The following PRR5L variants were observed in gnomAD, a reference collection of about 807,000 sequenced individuals.
PRR5L encodes proline rich 5 like, also known as proline-rich protein 5-like.
PRR5L carries 21 observed loss-of-function variants against 36.4 expected under a neutral mutation model. The ratio of observed to expected loss-of-function variants is 0.58; its 90% CI spans 0.41 to 0.83. The LOEUF is 0.83. Among genes scored for constraint, PRR5L ranks in the 40% least tolerant of loss-of-function variants. The pLI, the probability that PRR5L is intolerant of heterozygous loss-of-function variation, is 0.00. For missense variants in PRR5L, 381 were observed against 473.3 expected (o/e 0.80, Z 1.81); for synonymous variants, 188 against 197.0 (o/e 0.95, Z 0.38).
At chr11:36,367,444 A>G (rs576071516) in intron 1 of PRR5L, among the ~76,000 whole-genome samples, 2 of 152,338 alleles carry the variant, frequency 1.3e-5, no homozygotes, top group African/African-American at 4.8e-5. Context: ...TTTAGGCCTC[A>G]TGAAATCCCT....
chr11:36,384,430 T>G (rs1857422408), intron 1 of PRR5L, among the ~76,000 whole-genome samples: 1 of 152,212 alleles, frequency 6.6e-6, no homozygotes, highest in African/African-American at 2.4e-5. Context: ...TTTATTCTTC[T>G]TTGCCCCCTG....
intron 1 of PRR5L, among the ~76,000 whole-genome samples, chr11:36,363,074 C>G (rs1857109572): frequency 6.6e-6 from 1 of 152,202 alleles, no homozygotes; most frequent in South Asian, 2.1e-4. Flanking sequence ...GTCTCTGCAC[C>G]CTCGACCTGT....
At chr11:36,364,633 A>G (rs1590486594) in intron 1 of PRR5L, among the ~76,000 whole-genome samples, 3 of 152,222 alleles carry the variant, frequency 2.0e-5, no homozygotes, top group South Asian at 4.1e-4. Flanking sequence ...AAAAAGTGCC[A>G]TATAAACACA....
chr11:36,297,173 A>C (rs1347506076), intron 1 of PRR5L, among the ~76,000 whole-genome samples: 1 of 152,092 alleles, frequency 6.6e-6, no homozygotes, highest in Non-Finnish European at 1.5e-5. Flanking sequence ...CCTGGATTTG[A>C]ATTCAGTTTT....
intron 1 of PRR5L, among the ~76,000 whole-genome samples, chr11:36,390,786 C>T (rs1857549170): frequency 6.6e-6 from 1 of 152,180 alleles, no homozygotes; most frequent in Admixed American, 6.5e-5. Flanking sequence ...CCTCTAAGTT[C>T]ATTTTTAAAA....
intron 4 of PRR5L, among the ~76,000 whole-genome samples, chr11:36,429,293 A>C (rs1381968077): frequency 6.6e-6 from 1 of 152,188 alleles, no homozygotes. Flanking sequence ...TTTATCACTA[A>C]AATAGCCAGT....
At chr11:36,393,850 G>A (rs1857606942) in intron 1 of PRR5L, 1 of 152,090 alleles carries the variant, frequency 6.6e-6, no homozygotes, top group Non-Finnish European at 1.5e-5. Context: ...TCCTAGAAGA[G>A]GCAATTCGGA....
intron 1 of PRR5L, among the ~76,000 whole-genome samples, chr11:36,371,317 G>T (rs867163650): frequency 4.6e-5 from 7 of 152,182 alleles, no homozygotes; most frequent in Non-Finnish European, 1.0e-4. Flanking sequence ...TTACACCCTG[G>T]TGTTAGATCA....
intron 1 of PRR5L, among the ~76,000 whole-genome samples, chr11:36,317,744 C>G (rs1009580864): frequency 2.6e-5 from 4 of 152,132 alleles, no homozygotes; most frequent in Non-Finnish European, 4.4e-5. Flanking sequence ...CATTCTGGTT[C>G]CTGGTGGTTT....
At chr11:36,321,841 G>C (rs1856616355) in intron 1 of PRR5L, among the ~76,000 whole-genome samples, 1 of 152,100 alleles carries the variant, frequency 6.6e-6, no homozygotes, top group Non-Finnish European at 1.5e-5. Flanking sequence ...TCCTTGGCTA[G>C]TAGATGGCCA....
chr11:36,392,312 C>T (rs1393868764), intron 1 of PRR5L, among the ~76,000 whole-genome samples: 1 of 152,106 alleles, frequency 6.6e-6, no homozygotes, highest in Non-Finnish European at 1.5e-5. Context: ...TTCTGATTTC[C>T]TTTCTTTTGG....
intron 1 of PRR5L, among the ~76,000 whole-genome samples, chr11:36,307,910 A>G (rs1439913933): frequency 6.6e-6 from 1 of 152,082 alleles, no homozygotes; most frequent in South Asian, 2.1e-4. Flanking sequence ...GAATGATGAA[A>G]TTTTTCTTGA....
In PRR5L at chr11:36,348,675, A is replaced by G. The variant is rs1415054576; in HGVS notation, c.-126+52237A>G. On this transcript the variant is annotated intron_variant, in intron 1 of 8. Transcript: ENST00000530639. ...CTTACATATTTTCATATTAATAGCTATTTAAAAAAATTATTTTAGAATGAA... is the reference window on the plus strand; with the variant it reads ...CTTACATATTTTCATATTAATAGCTGTTTAAAAAAATTATTTTAGAATGAA... Among the ~76,000 whole-genome samples, 2 of 152,314 alleles carry G rather than the reference A, an allele frequency of 1.3e-5. 1 individual carries two copies. The highest frequency in any genetic ancestry group is 4.1e-4 in the South Asian group (2 of 4,826).
At chr11:36,435,025 G>A (rs1858575692) in intron 5 of PRR5L, among the ~76,000 whole-genome samples, 1 of 152,002 alleles carries the variant, frequency 6.6e-6, no homozygotes. Flanking sequence ...CCTCCTTCAG[G>A]TCAAGAGGGC....
intron 5 of PRR5L, among the ~76,000 whole-genome samples, chr11:36,435,814 C>A (rs1858593811): frequency 6.6e-6 from 1 of 152,206 alleles, no homozygotes; most frequent in Admixed American, 6.5e-5. Context: ...CACTCACCAG[C>A]CCCAGTATCT....
intron 1 of PRR5L, among the ~76,000 whole-genome samples, chr11:36,313,846 A>C (rs910540196): frequency 3.3e-5 from 5 of 152,070 alleles, no homozygotes; most frequent in African/African-American, 1.2e-4. Context: ...GCCATTGCTG[A>C]TTTCTCCTCA....
intron 1 of PRR5L, among the ~76,000 whole-genome samples, chr11:36,354,578 G>C (rs185636700): frequency 1.2e-4 from 18 of 152,258 alleles, no homozygotes; most frequent in African/African-American, 4.3e-4. Context: ...AATTGAAAGT[G>C]AGAAAATGTA....
intron 1 of PRR5L, among the ~76,000 whole-genome samples, chr11:36,366,418 GA>G (rs1229463529): frequency 1.2e-5 from 1 of 85,864 alleles, no homozygotes; most frequent in African/African-American, 3.5e-5. Flanking sequence ...GTGTGTGAGA[GA>G]GAGAGAGAGA....
At chr11:36,337,574 C>T (rs1431413223) in intron 1 of PRR5L, among the ~76,000 whole-genome samples, 1 of 152,214 alleles carries the variant, frequency 6.6e-6, no homozygotes, top group Non-Finnish European at 1.5e-5. Context: ...GGTTTTACCT[C>T]CAAACAGGTT....
Sources: allele counts gnomAD v4.1 joint callset (sites outside exome capture counted in the v4.1 genomes callset), GRCh38; gene constraint gnomAD v4.1.1; transcripts MANE v1.5; gene names NCBI Gene and HGNC (gene_info 2026-07-23, HGNC 2026-07-21).